The following DLGAP1 variants were observed in gnomAD, a reference collection of about 807,000 sequenced individuals.
DLGAP1 encodes DLG associated protein 1.
A neutral mutation model predicts 90.8 loss-of-function variants in DLGAP1; 11 were observed. The ratio of observed to expected loss-of-function variants is 0.12; its 90% confidence interval spans 0.08 to 0.20. The LOEUF (loss-of-function observed/expected upper bound fraction) is 0.20, where lower values mean the gene tolerates loss of function less well. Among genes scored for constraint, DLGAP1 ranks in the 10% least tolerant of loss-of-function variants. DLGAP1 has a pLI of 1.00. For synonymous variants in DLGAP1, 558 were observed against 540.7 expected (o/e 1.03, Z -0.44); for missense variants, 1,050 against 1,333.8 (o/e 0.79, Z 3.31).
At chr18:4,398,872 G>A (rs781484057) in intron 1 of DLGAP1, among the ~76,000 whole-genome samples, 20 of 152,180 alleles carry the variant, frequency 1.3e-4, no homozygotes, top group South Asian at 8.3e-4. Flanking sequence ...TCACTCTGTC[G>A]CCAGGCTGGA....
At chr18:4,315,704 C>G (rs1432021024) in intron 1 of DLGAP1, among the ~76,000 whole-genome samples, 1 of 152,202 alleles carries the variant, frequency 6.6e-6, no homozygotes, top group Non-Finnish European at 1.5e-5. Context: ...GCCCAGGTAT[C>G]AGATATTTTA....
intron 1 of DLGAP1, among the ~76,000 whole-genome samples, chr18:4,326,198 C>CA (rs1434771229): frequency 6.6e-6 from 1 of 151,480 alleles, no homozygotes; most frequent in Non-Finnish European, 1.5e-5. Context: ...AGAATATGAA[C>CA]AAACACTTTA....
At chr18:3,972,650 T>C (rs954135053) in intron 3 of DLGAP1, among the ~76,000 whole-genome samples, 5 of 152,190 alleles carry the variant, frequency 3.3e-5, no homozygotes, top group African/African-American at 1.2e-4. Context: ...TAATCTATTT[T>C]TTAAGAAGCA....
chr18:4,201,122 T>TG (rs1385137977), intron 1 of DLGAP1, among the ~76,000 whole-genome samples: 13 of 152,126 alleles, frequency 8.5e-5, no homozygotes, highest in African/African-American at 2.2e-4. Context: ...ACGACTTTTT[T>TG]TTGTTGTTCA....
intron 4 of DLGAP1, among the ~76,000 whole-genome samples, chr18:3,826,227 C>T (rs1484180242): frequency 1.3e-5 from 2 of 152,112 alleles, no homozygotes; most frequent in Non-Finnish European, 2.9e-5. Context: ...CAGTGTTATG[C>T]AATCTATCCA....
chr18:4,402,819 C>T (rs1415832493), intron 1 of DLGAP1, among the ~76,000 whole-genome samples: 1 of 152,134 alleles, frequency 6.6e-6, no homozygotes. Flanking sequence ...ACATCTCTCA[C>T]CAAAATTTCC....
At chr18:4,050,209 T>C (rs979914809) in intron 2 of DLGAP1, among the ~76,000 whole-genome samples, 4 of 152,214 alleles carry the variant, frequency 2.6e-5, no homozygotes, top group Non-Finnish European at 5.9e-5. Context: ...CACACAGCTT[T>C]ACTCTGTGGA....
intron 5 of DLGAP1, among the ~76,000 whole-genome samples, chr18:3,783,440 T>C (rs1038519884): frequency 6.6e-6 from 1 of 152,204 alleles, no homozygotes; most frequent in Admixed American, 6.5e-5. Flanking sequence ...ATGTGGGTTT[T>C]CCACACAGTA....
chr18:4,289,076 G>C lies in DLGAP1; in HGVS notation c.-266-137789C>G, dbSNP rs149031983. Among the ~76,000 whole-genome samples the C allele has an allele frequency of 6.5e-3, 992 of 152,296 alleles. 6 individuals are homozygous for C. The highest frequency in any genetic ancestry group is 0.011 in the Admixed American group (172 of 15,286). On this transcript the variant is annotated intron_variant, in intron 1 of 12. Coordinates refer to ENST00000315677, the MANE Select transcript of DLGAP1 (RefSeq NM_004746.4). The stretch of plus-strand genomic sequence containing the variant: ...GATAAATCTTCAGCCCAGGGCAGGA[G>C]TGTTGTTGGAGATGACTGAAATACT...
chr18:4,423,112 A>G (rs1159414287), intron 1 of DLGAP1, among the ~76,000 whole-genome samples: 1 of 152,154 alleles, frequency 6.6e-6, no homozygotes, highest in Admixed American at 6.5e-5. Context: ...AAACCTAAAA[A>G]AATTCCCATG....
At chr18:4,250,921 T>TA (rs138749902) in intron 1 of DLGAP1, among the ~76,000 whole-genome samples, 2,360 of 150,640 alleles carry the variant, frequency 0.016, 52 homozygotes, top group African/African-American at 0.053. Context: ...TATATTCAAT[T>TA]AAAAAAAAAC....
intron 4 of DLGAP1, among the ~76,000 whole-genome samples, chr18:3,842,610 C>CA (rs1177173269): frequency 2.0e-5 from 3 of 149,636 alleles, no homozygotes; most frequent in Admixed American, 1.3e-4. Context: ...CTCATTCATT[C>CA]ATTCAACTAA....
intron 1 of DLGAP1, among the ~76,000 whole-genome samples, chr18:4,183,701 T>C (rs553689620): frequency 6.6e-6 from 1 of 152,234 alleles, no homozygotes; most frequent in African/African-American, 2.4e-5. Flanking sequence ...AATTGCCATG[T>C]AGGTTTCCTT....
intron 1 of DLGAP1, among the ~76,000 whole-genome samples, chr18:4,190,502 G>T (rs2077377430): frequency 6.6e-6 from 1 of 152,042 alleles, no homozygotes; most frequent in South Asian, 2.1e-4. Flanking sequence ...AACACAAAGA[G>T]AACTCTAATG....
chr18:3,617,109 A>C (rs1287751802), intron 7 of DLGAP1, among the ~76,000 whole-genome samples: 2 of 152,100 alleles, frequency 1.3e-5, no homozygotes, highest in East Asian at 3.8e-4. Flanking sequence ...CTACCCCGCC[A>C]AAGCTCTCCC....
intron 3 of DLGAP1, among the ~76,000 whole-genome samples, chr18:3,974,064 G>T (rs1345080255): frequency 6.6e-6 from 1 of 152,114 alleles, no homozygotes; most frequent in East Asian, 1.9e-4. Flanking sequence ...AAAAGGCACA[G>T]TAAAGACACT....
At chr18:4,184,990 T>C (rs1405306349) in intron 1 of DLGAP1, among the ~76,000 whole-genome samples, 1 of 152,130 alleles carries the variant, frequency 6.6e-6, no homozygotes, top group Non-Finnish European at 1.5e-5. Flanking sequence ...TTAATGCAGT[T>C]GATTTTAATG....
At chr18:4,029,711 C>T (rs752399955) in intron 2 of DLGAP1, among the ~76,000 whole-genome samples, 10 of 152,146 alleles carry the variant, frequency 6.6e-5, no homozygotes, top group Non-Finnish European at 1.5e-4. Flanking sequence ...ACATAATTCC[C>T]AATAATATTG....
chr18:3,508,574 T>C lies in DLGAP1; in HGVS notation c.2567A>G (p.Asn856Ser). 1 of 1,610,912 alleles carries C rather than the reference T, an allele frequency of 6.2e-7. No individual in the cohort carries two copies. The highest frequency in any genetic ancestry group is 8.5e-7 in the Non-Finnish European group (1 of 1,178,300). Residue 856 changes from asparagine (N) to serine (S), a missense_variant, in exon 11 of 13, where the codon AAC (asparagine) becomes AGC (serine). By Grantham distance (46) the Asn-to-Ser change is conservative (BLOSUM62 1). Coordinates refer to ENST00000315677, the MANE Select transcript of DLGAP1 (RefSeq NM_004746.4). ...TAGAAGGAGAGTGTTACCTACCAGG[T>C]TTTCTTCACACAGTTCTCTGAACTG... ...FYQFRELCEENLNPNAHPRPT... is the reference protein window; with the variant it reads ...FYQFRELCEESLNPNAHPRPT...
Sources: allele counts gnomAD v4.1 joint callset (sites outside exome capture counted in the v4.1 genomes callset), GRCh38; gene constraint gnomAD v4.1.1; transcripts MANE v1.5; gene names NCBI Gene and HGNC (gene_info 2026-07-23, HGNC 2026-07-21).